LYRM4: variants seen among roughly 807,000 people sequenced by gnomAD.
The protein encoded by LYRM4 is LYR motif-containing protein 4.
A neutral mutation model predicts 11.7 loss-of-function variants in LYRM4; 9 were observed. The ratio of observed to expected loss-of-function variants is 0.77; its 90% CI spans 0.46 to 1.34. LYRM4 has a LOEUF of 1.34. Ranked by LOEUF, LYRM4 falls within the 40% of genes most tolerant of loss-of-function variation. LYRM4 has a pLI of 0.00. For synonymous variants in LYRM4, 42 were observed against 40.4 expected (o/e 1.04, Z -0.15); for missense variants, 133 against 112.5 (o/e 1.18, Z -0.82).
the LYRM4 span, among the ~76,000 whole-genome samples, chr6:5,079,162 G>A: frequency 1.3e-5 from 2 of 152,130 alleles, no homozygotes; most frequent in Admixed American, 6.5e-5. Context: ...AGGTCTGAGA[G>A]CTTACACACC....
intron 2 of LYRM4, among the ~76,000 whole-genome samples, chr6:5,166,013 GT>G (rs142502086): frequency 1.1e-4 from 16 of 151,730 alleles, no homozygotes; most frequent in Admixed American, 5.9e-4. Context: ...TAATTTTAGT[GT>G]TTTTTTTAAA....
At chr6:5,197,745 G>A (rs1318379930) in intron 2 of LYRM4, among the ~76,000 whole-genome samples, 1 of 152,164 alleles carries the variant, frequency 6.6e-6, no homozygotes, top group Non-Finnish European at 1.5e-5. Flanking sequence ...TGGAGGACCT[G>A]AGCAAAGTCC....
intron 1 of LYRM4, among the ~76,000 whole-genome samples, chr6:5,232,489 G>C (rs559408213): frequency 6.6e-6 from 1 of 152,364 alleles, no homozygotes; most frequent in East Asian, 1.9e-4. Flanking sequence ...GTAGTGCAAA[G>C]AAGTACCAGG....
At chr6:5,200,671 A>AGGTG (rs1761335898) in intron 2 of LYRM4, among the ~76,000 whole-genome samples, 2 of 152,230 alleles carry the variant, frequency 1.3e-5, no homozygotes, top group African/African-American at 4.8e-5. Flanking sequence ...CAGGGCTCAC[A>AGGTG]GGTGGAGTAG....
At chr6:5,049,432 G>A in the LYRM4 span, among the ~76,000 whole-genome samples, 7 of 152,088 alleles carry the variant, frequency 4.6e-5, no homozygotes, top group African/African-American at 1.7e-4. Flanking sequence ...CCTGCATCCT[G>A]CCACCCCCAG....
intron 2 of LYRM4, among the ~76,000 whole-genome samples, chr6:5,120,169 A>G (rs1371814239): frequency 6.6e-6 from 1 of 152,202 alleles, no homozygotes; most frequent in Non-Finnish European, 1.5e-5. Context: ...TGCTAGGATT[A>G]TAGGCATGAG....
intron 2 of LYRM4, among the ~76,000 whole-genome samples, chr6:5,196,670 T>C (rs1430454592): frequency 6.6e-6 from 1 of 152,330 alleles, no homozygotes; most frequent in East Asian, 1.9e-4. Flanking sequence ...CCAAACTTTA[T>C]GGGAATGAAT....
Position 5,109,204 on chromosome 6 carries a change from G to A in LYRM4, c.*219C>T, listed in dbSNP as rs1415325243. On this transcript the variant is annotated 3_prime_UTR_variant, in exon 3 of 3. Coordinates refer to ENST00000330636, the MANE Select transcript of LYRM4 (RefSeq NM_020408.6). Reference sequence around the variant, plus strand: ...GGTAACACACAGCACTATTCTGAACGAACTCCAGCTCTCCATTCTAACACT... The same window carrying A: ...GGTAACACACAGCACTATTCTGAACAAACTCCAGCTCTCCATTCTAACACT... 4.5e-5 allele frequency: 63 copies of A among 1,412,566 alleles called. No individual in the cohort carries two copies. Among genetic ancestry groups the A allele is most frequent in the Non-Finnish European group, 5.7e-5 (62 of 1,083,502 alleles). The allele number at this position is 1,412,566 out of a possible 1,614,324, so 87.5% of individuals were successfully genotyped here.
At chr6:5,085,240 G>A in the LYRM4 span, 10 of 459,714 alleles carry the variant, frequency 2.2e-5, no homozygotes, top group East Asian at 3.3e-4. Context: ...AGGTTCAACC[G>A]GGAGGCGGCG....
At chr6:5,214,724 G>C (rs933323541) in intron 2 of LYRM4, among the ~76,000 whole-genome samples, 1 of 152,214 alleles carries the variant, frequency 6.6e-6, no homozygotes, top group Non-Finnish European at 1.5e-5. Flanking sequence ...GGCCGGGGGA[G>C]CCACTGTGCC....
At chr6:5,066,115 T>G in the LYRM4 span, 44 of 496,762 alleles carry the variant, frequency 8.9e-5, no homozygotes, top group South Asian at 7.9e-4. Flanking sequence ...TTGTAATAGC[T>G]CCAATAATTC....
chr6:5,186,980 T>TC, intron 2 of LYRM4: 1 of 737,284 alleles, frequency 1.4e-6, no homozygotes, highest in Non-Finnish European at 1.6e-6. Context: ...TGAGAGTCCA[T>TC]CTTAAAAAAA....
At position 5,259,526 on chromosome 6, in the gene LYRM4, T is replaced by G. The variant is rs548966419; in HGVS notation, c.86+1122A>C. ...ATTTTCCAGGCGGGTTTCTAAAAAT[T>G]TGAGAGTCATTGCTTAAGAGGCTTA... is the stretch of plus-strand genomic sequence containing the variant. On this transcript the variant is annotated intron_variant, in intron 1 of 2. Transcript: ENST00000330636. Among the ~76,000 whole-genome samples, 5 of 152,318 alleles carry G rather than the reference T, an allele frequency of 3.3e-5. No individual in the cohort carries two copies. In the South Asian group the frequency reaches 1.0e-3, roughly 32 times the overall value.
At chr6:5,105,836 C>CA, downstream of LYRM4, 1 of 154,602 alleles carries the variant, frequency 6.5e-6, no homozygotes, top group Non-Finnish European at 1.4e-5. Flanking sequence ...CAAAACAAAA[C>CA]AAAAACCTCA....
the LYRM4 span, chr6:5,054,199 C>T: frequency 3.3e-5 from 22 of 663,500 alleles, no homozygotes; most frequent in Admixed American, 6.3e-5. Context: ...GAAGGAAAGA[C>T]ATCACTATTT....
At chr6:5,143,732 AACCT>A (rs1757540041) in intron 2 of LYRM4, among the ~76,000 whole-genome samples, 1 of 152,226 alleles carries the variant, frequency 6.6e-6, no homozygotes, top group South Asian at 2.1e-4. Context: ...ACAGCAGAAG[AACCT>A]GAGTGCCAAA....
intron 2 of LYRM4, among the ~76,000 whole-genome samples, chr6:5,184,788 C>T (rs1760285902): frequency 6.6e-6 from 1 of 152,180 alleles, no homozygotes; most frequent in African/African-American, 2.4e-5. Context: ...AAGACAGTCC[C>T]TGATCTCCAG....
chr6:5,184,425 C>A (rs1421599266), intron 2 of LYRM4, among the ~76,000 whole-genome samples: 1 of 152,082 alleles, frequency 6.6e-6, no homozygotes, highest in East Asian at 1.9e-4. Flanking sequence ...ATCCTGGTGT[C>A]CAAAAGGGAC....
intron 2 of LYRM4, among the ~76,000 whole-genome samples, chr6:5,191,085 C>T (rs1760724764): frequency 6.6e-6 from 1 of 151,542 alleles, no homozygotes; most frequent in African/African-American, 2.4e-5. Flanking sequence ...ATATTTATGG[C>T]AACACTGTAA....
Sources: gnomAD v4.1 joint callset for allele counts (sites outside exome capture counted in the v4.1 genomes callset) on GRCh38, gnomAD v4.1.1 for gene constraint, MANE v1.5 for transcripts, NCBI Gene and HGNC (gene_info 2026-07-23, HGNC 2026-07-21) for gene names.